CACNA2D3: variants seen among roughly 807,000 people sequenced by gnomAD.
CACNA2D3 encodes calcium voltage-gated channel auxiliary subunit alpha2delta 3.
In CACNA2D3, 60 loss-of-function variants were observed where a neutral mutation model predicts 160.6. The ratio of observed to expected loss-of-function variants is 0.37; its 90% CI spans 0.30 to 0.46. The LOEUF (loss-of-function observed/expected upper bound fraction) is 0.46, where lower values mean the gene tolerates loss of function less well. CACNA2D3 is among the 20% of genes least tolerant of loss of function. The pLI is 1.00. For synonymous variants in CACNA2D3, 558 were observed against 492.9 expected (o/e 1.13, Z -1.75); for missense variants, 1,205 against 1,365.0 (o/e 0.88, Z 1.85).
intron 2 of CACNA2D3, among the ~76,000 whole-genome samples, chr3:54,301,484 A>T (rs972208519): frequency 1.2e-4 from 19 of 152,122 alleles, no homozygotes; most frequent in Admixed American, 1.2e-3. Flanking sequence ...AGTACAATAA[A>T]TTACAATTAT....
chr3:54,209,129 T>A (rs1701325030), intron 2 of CACNA2D3, among the ~76,000 whole-genome samples: 1 of 152,010 alleles, frequency 6.6e-6, no homozygotes, highest in South Asian at 2.1e-4. Flanking sequence ...TAAAAAGAGA[T>A]TTGGGTGGGG....
intron 11 of CACNA2D3, among the ~76,000 whole-genome samples, chr3:54,723,727 A>G (rs1701221306): frequency 6.6e-6 from 1 of 152,194 alleles, no homozygotes; most frequent in African/African-American, 2.4e-5. Context: ...CTGTCCAACC[A>G]TTCTCAGTGA....
At chr3:55,009,994 A>G (rs1703174843) in intron 34 of CACNA2D3, among the ~76,000 whole-genome samples, 1 of 152,198 alleles carries the variant, frequency 6.6e-6, no homozygotes, top group Non-Finnish European at 1.5e-5. Context: ...TCTGTCTCCA[A>G]GGCTCAGTTT....
chr3:54,146,599 G>T (rs536921635), intron 2 of CACNA2D3, among the ~76,000 whole-genome samples: 3 of 152,216 alleles, frequency 2.0e-5, no homozygotes, highest in South Asian at 2.1e-4. Context: ...GGGGAAGGGG[G>T]GCGTGGCCTA....
At chr3:54,770,530 C>T (rs146314014) in intron 13 of CACNA2D3, among the ~76,000 whole-genome samples, 125 of 152,338 alleles carry the variant, frequency 8.2e-4, no homozygotes, top group African/African-American at 2.7e-3. Flanking sequence ...GTGCTGGCAG[C>T]AAGCTGCACT....
rs1700753483 is a variant in CACNA2D3, at chr3:54,918,996, T to G, written c.2449+19128T>G. The G allele has an allele frequency of 1.7e-4, 12 of 70,132 alleles. No homozygotes were observed. The South Asian group carries it at 2.4e-3, about 14-fold the overall frequency. The allele number at this position is 70,132 out of a possible 1,614,324, so 4.3% of individuals were successfully genotyped here. On this transcript the variant is annotated intron_variant, in intron 27 of 37. Coordinates refer to ENST00000474759, the MANE Select transcript of CACNA2D3 (RefSeq NM_018398.3). ...AGGCAGATGGAATTTATGAAGTACC[T>G]TTTTTTTTTTTAAATCCTGGAGTCA...
At chr3:54,528,559 T>C (rs1027292847) in intron 5 of CACNA2D3, among the ~76,000 whole-genome samples, 1 of 152,208 alleles carries the variant, frequency 6.6e-6, no homozygotes, top group Non-Finnish European at 1.5e-5. Flanking sequence ...TCCTTTATGA[T>C]TGAAACACGA....
intron 8 of CACNA2D3, among the ~76,000 whole-genome samples, chr3:54,578,345 A>AAT (rs1396128981): frequency 3.9e-5 from 6 of 152,206 alleles, no homozygotes; most frequent in Non-Finnish European, 8.8e-5. Context: ...TTGAGTTGTA[A>AAT]ATATATATGG....
intron 3 of CACNA2D3, among the ~76,000 whole-genome samples, chr3:54,342,746 G>A (rs1411450740): frequency 6.6e-6 from 1 of 152,220 alleles, no homozygotes; most frequent in Non-Finnish European, 1.5e-5. Flanking sequence ...GTCTAAGGTG[G>A]TCAACAGCAA....
intron 10 of CACNA2D3, among the ~76,000 whole-genome samples, 183 bp downstream of exon 10, chr3:54,628,059 C>G (rs559632867): frequency 1.3e-5 from 2 of 152,094 alleles, no homozygotes; most frequent in South Asian, 4.2e-4. Context: ...GGTGAAACCC[C>G]ATCTCTACTA....
At chr3:54,824,690 A>T (rs1703713695) in intron 14 of CACNA2D3, among the ~76,000 whole-genome samples, 2 of 152,084 alleles carry the variant, frequency 1.3e-5, no homozygotes, top group South Asian at 4.2e-4. Context: ...TCTTGTTTTA[A>T]TGGGGTACAG....
At chr3:54,350,260 T>G (rs1348654102) in intron 3 of CACNA2D3, among the ~76,000 whole-genome samples, 1 of 152,244 alleles carries the variant, frequency 6.6e-6, no homozygotes, top group Admixed American at 6.5e-5. Context: ...GGGTTTCTAG[T>G]TACACAGTGT....
At chr3:54,794,300 T>C (rs944144110) in intron 13 of CACNA2D3, among the ~76,000 whole-genome samples, 2 of 152,172 alleles carry the variant, frequency 1.3e-5, no homozygotes, top group African/African-American at 4.8e-5. Flanking sequence ...ACCTTACTTA[T>C]AGTGGAAGAA....
At chr3:54,646,671 G>T (rs916486070) in intron 11 of CACNA2D3, among the ~76,000 whole-genome samples, 1 of 152,104 alleles carries the variant, frequency 6.6e-6, no homozygotes, top group Non-Finnish European at 1.5e-5. Flanking sequence ...GGGCATTTAG[G>T]TCAATTCCAT....
At chr3:54,204,796 G>GAAAAAAAAAAAAAAAAAAAAAAAAA (rs57129457) in intron 2 of CACNA2D3, among the ~76,000 whole-genome samples, 11 of 74,060 alleles carry the variant, frequency 1.5e-4, no homozygotes, top group South Asian at 5.1e-4. Context: ...ATGCTGTCTT[G>GAAAAAAAAAAAAAAAAAAAAAAAAA]AAAAAAAAAA....
rs906763671 is a variant in CACNA2D3, at chr3:54,349,573, TTGTC to T, written c.321+29021_321+29024del. On this transcript the variant is annotated intron_variant, in intron 3 of 37. Transcript: ENST00000474759. The stretch of plus-strand genomic sequence containing the variant: ...TTATTTCACTATGCTCCTTTAATTT[TTGTC>T]TGTCTAACTTTTCATTATTTGCTTC... Among the ~76,000 whole-genome samples the T allele has an allele frequency of 1.4e-4, 21 of 152,340 alleles. 1 individual carries two copies. The South Asian group carries it at 1.7e-3, about 12-fold the overall frequency.
In CACNA2D3 at chr3:54,297,549, C is replaced by A. The variant is rs186638574; in HGVS notation, c.205-22893C>A. On this transcript the variant is annotated intron_variant, in intron 2 of 37. Transcript: ENST00000474759. The stretch of plus-strand genomic sequence containing the variant: ...GCTATGTTTTCTCACCTGTTTTTAA[C>A]TTCTGAGCTCCCTGAGATCCTGGAG... Among the ~76,000 whole-genome samples the A allele has an allele frequency of 2.6e-5, 4 of 152,156 alleles. No individual in the cohort carries two copies. The East Asian group carries it at 7.7e-4, about 29-fold the overall frequency.
intron 12 of CACNA2D3, among the ~76,000 whole-genome samples, chr3:54,763,665 GTGTGTATA>G (rs1313706844): frequency 3.5e-5 from 5 of 144,884 alleles, no homozygotes; most frequent in African/African-American, 1.3e-4. Context: ...GTGTGTGTGT[GTGTGTATA>G]TATGTATATA....
At chr3:54,220,767 C>T (rs1701552670) in intron 2 of CACNA2D3, among the ~76,000 whole-genome samples, 2 of 152,224 alleles carry the variant, frequency 1.3e-5, no homozygotes, top group South Asian at 4.1e-4. Flanking sequence ...GTCACCTCTT[C>T]TTCCCTGTCT....
Sources: gnomAD v4.1 joint callset for allele counts (sites outside exome capture counted in the v4.1 genomes callset) on GRCh38, gnomAD v4.1.1 for gene constraint, MANE v1.5 for transcripts, NCBI Gene and HGNC (gene_info 2026-07-23, HGNC 2026-07-21) for gene names.